Variants in TTC19 observed in about 807,000 individuals in gnomAD.
TTC19 encodes the protein tetratricopeptide repeat protein 19, mitochondrial.
A neutral mutation model predicts 49.5 loss-of-function variants in TTC19; 38 were observed. The ratio of observed to expected loss-of-function variants is 0.77; its 90% CI spans 0.59 to 1.01. The LOEUF (loss-of-function observed/expected upper bound fraction) is 1.01. Ranked by LOEUF, TTC19 falls within the 50% of genes least tolerant of loss-of-function variation. TTC19 has a pLI of 0.00. For synonymous variants in TTC19, 204 were observed against 185.2 expected (o/e 1.10, Z -0.83); for missense variants, 475 against 477.7 (o/e 0.99, Z 0.05).
Position 15,999,968 on chromosome 17 carries a change from G to A in TTC19, c.120G>A (p.Val40=). ...TGGCAGGAGGTCCGGGGCCCGAGGT[G>A]CAGGTGCCGCCATCCCGAGTCGCGC... ...PGLAGGPGPE[V]QVPPSRVAPH... Residue 40 remains valine (V), a synonymous_variant, in exon 1 of 10, where the codon GTG becomes GTA. Coordinates refer to ENST00000261647, the MANE Select transcript of TTC19 (RefSeq NM_017775.4). The A allele has an allele frequency of 7.7e-7, 1 of 1,304,006 alleles. No individual in the cohort carries two copies. Among genetic ancestry groups the A allele is most frequent in the South Asian group, 2.3e-5 (1 of 43,626 alleles). The allele number at this position is 1,304,006 out of a possible 1,614,324, so 80.8% of individuals were successfully genotyped here. A position where few individuals can be genotyped will look rare whatever the true frequency, so the allele number is the denominator to read the frequency against.
At chr17:16,034,383 G>C (rs1330591162), downstream of TTC19, among the ~76,000 whole-genome samples, 1 of 152,110 alleles carries the variant, frequency 6.6e-6, no homozygotes, top group African/African-American at 2.4e-5. Flanking sequence ...GAGTTCAGGA[G>C]TTCGAGACCA....
intron 7 of TTC19, among the ~76,000 whole-genome samples, chr17:16,017,977 T>C (rs1423818132): frequency 3.3e-5 from 5 of 152,188 alleles, no homozygotes; most frequent in African/African-American, 7.2e-5. Flanking sequence ...TTAAAGACAG[T>C]TGACTCAGAG....
At chr17:16,010,648 A>T (rs1386459989) in intron 7 of TTC19, among the ~76,000 whole-genome samples, 4 of 143,596 alleles carry the variant, frequency 2.8e-5, no homozygotes, top group African/African-American at 1.0e-4. Context: ...CTATTTTTGT[A>T]TTTTTAGTAG....
intron 2 of TTC19, among the ~76,000 whole-genome samples, chr17:16,038,380 C>G (rs1476066207): frequency 6.6e-6 from 1 of 152,142 alleles, no homozygotes; most frequent in African/African-American, 2.4e-5. Context: ...CAAGCATTAG[C>G]ATTCCGGATG....
chr17:15,999,913 G>A lies in TTC19; in HGVS notation c.65G>A (p.Arg22Gln). 2.2e-6 allele frequency: 3 copies of A among 1,357,990 alleles called. No individual in the cohort carries two copies. The highest frequency in any genetic ancestry group is 3.1e-5 in the East Asian group (1 of 32,546). 84.1% of individuals were successfully genotyped at this position (1,357,990 alleles called of 1,614,324 possible). A position where few individuals can be genotyped will look rare whatever the true frequency, so the allele number is the denominator to read the frequency against. Reference protein sequence around the residue: ...GFLRAAGRRCRGCSARLLPGL... With the variant: ...GFLRAAGRRCQGCSARLLPGL... ...CTGCGGGCCGCGGGGCGGCGGTGCC[G>A]GGGCTGCTCCGCGCGCCTGCTCCCG... is the stretch of plus-strand genomic sequence containing the variant. Residue 22 changes from arginine (R) to glutamine (Q), a missense_variant, in exon 1 of 10, where the codon CGG becomes CAG. Arg to Gln is a conservative substitution (Grantham distance 43, BLOSUM62 1). Transcript: ENST00000261647.
At chr17:16,004,130 G>C in intron 5 of TTC19, 71 bp from the exon 6 acceptor site, 2 of 1,450,178 alleles carry the variant, frequency 1.4e-6, no homozygotes, top group Non-Finnish European at 1.9e-6. Context: ...CGTCAGTCTG[G>C]AAGTTGATCT....
intron 6 of TTC19, among the ~76,000 whole-genome samples, chr17:16,004,818 C>A (rs1236999969): frequency 6.6e-6 from 1 of 152,188 alleles, no homozygotes; most frequent in African/African-American, 2.4e-5. Flanking sequence ...AGGGTGCTCA[C>A]TGAGGCCAGG....
intron 7 of TTC19, among the ~76,000 whole-genome samples, chr17:16,009,621 T>A (rs949532265): frequency 9.9e-5 from 15 of 152,218 alleles, no homozygotes; most frequent in African/African-American, 3.4e-4. Flanking sequence ...TTCTTCATCT[T>A]ATTTTTTCTA....
chr17:16,027,441 A>G lies in TTC19; in HGVS notation c.1062A>G (p.Glu354=). Residue 354 remains glutamate, a synonymous_variant, in exon 10 of 10, where the codon GAA becomes GAG. Coordinates refer to ENST00000261647, the MANE Select transcript of TTC19 (RefSeq NM_017775.4). ...ALKQAKLKKD[E]ISVQHIREEL... ...AGCAAGCAAAGCTGAAAAAAGATGA[A>G]ATTTCTGTACAACACATCAGGGAAG... 5.0e-6 allele frequency: 8 copies of G among 1,614,162 alleles called. No homozygotes were observed. The highest frequency in any genetic ancestry group is 6.8e-6 in the Non-Finnish European group (8 of 1,179,984).
chr17:16,041,314 C>A (rs2152037610), intron 2 of TTC19: 1 of 151,900 alleles, frequency 6.6e-6, no homozygotes, highest in South Asian at 2.1e-4. Flanking sequence ...TCCGTCATTC[C>A]CAACTTGACG....
Position 16,000,098 on chromosome 17 carries a change from C to G in TTC19, c.185-20C>G. 6.6e-7 allele frequency: 1 copy of G among 1,517,686 alleles called. No individual in the cohort carries two copies. Among genetic ancestry groups the G allele is most frequent in the Non-Finnish European group, 8.8e-7 (1 of 1,138,906 alleles). The allele number at this position is 1,517,686 out of a possible 1,614,324, so 94.0% of individuals were successfully genotyped here. Reference sequence around the variant, plus strand: ...AGGGGCGCGGGCCGGGCCCGATGACCTCAGAGCCCCTTCCCGCAGCGCTCG... The same window carrying G: ...AGGGGCGCGGGCCGGGCCCGATGACGTCAGAGCCCCTTCCCGCAGCGCTCG... On this transcript the variant is annotated intron_variant, in intron 1 of 9. Transcript: ENST00000261647.
At chr17:16,001,855 C>G in intron 2 of TTC19, 60 bp from the exon 3 acceptor site, 1 of 1,152,214 alleles carries the variant, frequency 8.7e-7, no homozygotes, top group East Asian at 2.4e-5. Context: ...ACACTTCTGT[C>G]TCTTAGCATA....
chr17:16,011,533 A>G (rs928415042), intron 7 of TTC19, among the ~76,000 whole-genome samples: 2 of 152,202 alleles, frequency 1.3e-5, no homozygotes, highest in Non-Finnish European at 2.9e-5. Flanking sequence ...AGGAGTGGAG[A>G]GGAATGCCTG....
At chr17:16,027,102 C>G (rs1415474270) in intron 9 of TTC19, 2 of 526,304 alleles carry the variant, frequency 3.8e-6, no homozygotes, top group Non-Finnish European at 6.8e-6. Context: ...TTTTCAGAAA[C>G]CTGGGATGAC....
At chr17:16,030,707 G>A (rs772844286), downstream of TTC19, 3 of 179,496 alleles carry the variant, frequency 1.7e-5, no homozygotes, top group Non-Finnish European at 3.6e-5. Context: ...AGCTTTGACT[G>A]AAGACAAATG....
At position 16,001,979 on chromosome 17, in the gene TTC19, C is replaced by T; in HGVS notation, c.377C>T (p.Ala126Val). ...ATTTTGCATGACGCTCTTCGTCTCG[C>T]CTATCAGACTGATAACAAGAAGGCC... ...ELILHDALRL[A>V]YQTDNKKAIT... The change falls in exon 3 of 10, where the codon GCC (alanine) becomes GTC (valine). Residue 126 changes from alanine (A) to valine (V), a missense_variant. Transcript: ENST00000261647. The T allele has an allele frequency of 6.2e-6, 10 of 1,613,320 alleles. No homozygotes were observed. The highest frequency in any genetic ancestry group is 8.5e-6 in the Non-Finnish European group (10 of 1,179,982).
At chr17:16,044,825 G>T in exon 3 of TTC19, 1 of 1,073,688 alleles carries the variant, frequency 9.3e-7, no homozygotes, top group Non-Finnish European at 1.4e-6. Flanking sequence ...TGGTGGACCT[G>T]CTCCAGCAGC....
intron 3 of TTC19, 39 bp downstream of exon 3, chr17:16,002,064 G>A (rs745871330): frequency 7.2e-7 from 1 of 1,389,976 alleles, no homozygotes; most frequent in East Asian, 2.3e-5. Flanking sequence ...GATGAGGAAG[G>A]TTGGATGGGA....
At chr17:16,025,814 T>C (rs1484494886) in intron 8 of TTC19, among the ~76,000 whole-genome samples, 1 of 152,126 alleles carries the variant, frequency 6.6e-6, no homozygotes, top group African/African-American at 2.4e-5. Flanking sequence ...GTCCCAAGGC[T>C]GGGGTACATG....
Sources: gnomAD v4.1 joint callset for allele counts (sites outside exome capture counted in the v4.1 genomes callset) on GRCh38, gnomAD v4.1.1 for gene constraint, MANE v1.5 for transcripts, NCBI Gene and HGNC (gene_info 2026-07-23, HGNC 2026-07-21) for gene names.